Variants in RALGAPA2 observed in about 807,000 individuals in gnomAD.
RALGAPA2 encodes Ral GTPase activating protein catalytic subunit alpha 2, also known as ral GTPase-activating protein subunit alpha-2.
Under a neutral mutation model 230.4 loss-of-function variants are expected in RALGAPA2, and 139 were observed. The observed-to-expected ratio is 0.60, with a 90% CI of 0.53 to 0.69. The LOEUF (loss-of-function observed/expected upper bound fraction) is 0.69. RALGAPA2 is among the 30% of genes least tolerant of loss of function. The pLI is 0.00. For synonymous variants in RALGAPA2, 847 were observed against 837.8 expected (o/e 1.01, Z -0.19); for missense variants, 2,163 against 2,276.0 (o/e 0.95, Z 1.01).
At chr20:20,525,039 C>T in intron 28 of RALGAPA2, 141 bp from the exon 29 acceptor site, 1 of 673,392 alleles carries the variant, frequency 1.5e-6, no homozygotes, top group Admixed American at 3.2e-5. Context: ...AAGCAGAGGG[C>T]CAGCTGTGTG....
At chr20:20,665,643 A>G (rs1000326883) in intron 3 of RALGAPA2, among the ~76,000 whole-genome samples, 1 of 152,260 alleles carries the variant, frequency 6.6e-6, no homozygotes, top group African/African-American at 2.4e-5. Context: ...ACATTCTATA[A>G]TAGGATAATC....
intron 3 of RALGAPA2, among the ~76,000 whole-genome samples, chr20:20,672,146 C>T (rs2068157505): frequency 6.6e-6 from 1 of 152,138 alleles, no homozygotes; most frequent in South Asian, 2.1e-4. Flanking sequence ...AAACCAGAAC[C>T]CTCAAATGGA....
intron 38 of RALGAPA2, among the ~76,000 whole-genome samples, chr20:20,399,343 C>CA (rs11396922): frequency 0.46 from 53,727 of 115,874 alleles, 12,960 homozygotes; most frequent in East Asian, 0.64. Context: ...AACTCCGTCT[C>CA]AAAAAAAAAA....
At chr20:20,604,926 ACT>A (rs1321012990) in intron 15 of RALGAPA2, among the ~76,000 whole-genome samples, 1 of 152,242 alleles carries the variant, frequency 6.6e-6, no homozygotes, top group Non-Finnish European at 1.5e-5. Flanking sequence ...CATTATTATT[ACT>A]GTTAGTTATC....
chr20:20,576,468 T>C (rs2064822424), intron 20 of RALGAPA2, among the ~76,000 whole-genome samples: 1 of 152,164 alleles, frequency 6.6e-6, no homozygotes, highest in Admixed American at 6.6e-5. Context: ...CTATTGGATA[T>C]CTTTCTCATA....
At chr20:20,670,784 C>T (rs974655419) in intron 3 of RALGAPA2, among the ~76,000 whole-genome samples, 63 of 151,780 alleles carry the variant, frequency 4.2e-4, no homozygotes, top group African/African-American at 1.5e-3. Context: ...CCTGTCTCTA[C>T]TAAAAAATAT....
chr20:20,643,766 A>G (rs1368150408), intron 4 of RALGAPA2, among the ~76,000 whole-genome samples: 3 of 152,256 alleles, frequency 2.0e-5, no homozygotes, highest in Non-Finnish European at 2.9e-5. Context: ...AAAACAGTCA[A>G]AATGACTGAT....
At chr20:20,680,896 G>T (rs2068496167) in intron 1 of RALGAPA2, 95 bp from the exon 2 acceptor site, 1 of 1,484,674 alleles carries the variant, frequency 6.7e-7, no homozygotes, top group Non-Finnish European at 8.9e-7. Flanking sequence ...AGTACAACTA[G>T]TTTCATTCCC....
intron 36 of RALGAPA2, among the ~76,000 whole-genome samples, chr20:20,485,241 T>C (rs2061882136): frequency 1.3e-5 from 2 of 152,198 alleles, no homozygotes; most frequent in African/African-American, 4.8e-5. Flanking sequence ...ATGTCCCCTG[T>C]ACCCCTGATA....
intron 9 of RALGAPA2, 55 bp downstream of exon 9, chr20:20,635,363 C>T (rs2066822408): frequency 6.7e-7 from 1 of 1,493,556 alleles, no homozygotes. Flanking sequence ...TGGCTATGTT[C>T]CAGTGTATTT....
intron 9 of RALGAPA2, among the ~76,000 whole-genome samples, chr20:20,631,513 A>G (rs1245876526): frequency 6.6e-6 from 1 of 152,186 alleles, no homozygotes; most frequent in South Asian, 2.1e-4. Flanking sequence ...AGGCTAAGTG[A>G]TGATGGAAAC....
At chr20:20,582,319 T>C (rs553053041) in intron 20 of RALGAPA2, among the ~76,000 whole-genome samples, 10 of 152,162 alleles carry the variant, frequency 6.6e-5, no homozygotes, top group Admixed American at 3.9e-4. Context: ...TATCCCAAAT[T>C]TAAAGGCAAA....
At chr20:20,700,364 T>C (rs553154417) in intron 1 of RALGAPA2, among the ~76,000 whole-genome samples, 1 of 152,214 alleles carries the variant, frequency 6.6e-6, no homozygotes, top group South Asian at 2.1e-4. Context: ...ATGCTCACTA[T>C]GTGGATGACG....
chr20:20,539,023 G>A (rs544584623), intron 24 of RALGAPA2, among the ~76,000 whole-genome samples: 9 of 152,200 alleles, frequency 5.9e-5, no homozygotes, highest in African/African-American at 1.4e-4. Flanking sequence ...TTATGTAACC[G>A]ATCCTGTGTT....
chr20:20,477,009 C>T (rs920803537), intron 36 of RALGAPA2, among the ~76,000 whole-genome samples: 6 of 152,072 alleles, frequency 3.9e-5, no homozygotes, highest in African/African-American at 1.4e-4. Flanking sequence ...AAGTTCAAAA[C>T]CAAGTAAAAT....
At chr20:20,458,757 C>CCTATATATATATAGAT (rs1412039886) in intron 37 of RALGAPA2, among the ~76,000 whole-genome samples, 9 of 2,302 alleles carry the variant, frequency 3.9e-3, no homozygotes, top group African/African-American at 8.8e-3. Context: ...TACATACACA[C>CCTATATATATATAGAT]CTATATATAT....
chr20:20,472,614 GA>G, intron 37 of RALGAPA2: 1 of 377,548 alleles, frequency 2.6e-6, no homozygotes, highest in Non-Finnish European at 4.5e-6. Flanking sequence ...AGTAAATTAT[GA>G]AAGTAAACTC....
intron 9 of RALGAPA2, among the ~76,000 whole-genome samples, chr20:20,630,604 C>A (rs372819282): frequency 6.6e-6 from 1 of 152,126 alleles, no homozygotes; most frequent in Non-Finnish European, 1.5e-5. Context: ...ATTATTTTAT[C>A]TTTTTTACAG....
chr20:20,399,712 C>G (rs895889934), intron 38 of RALGAPA2, among the ~76,000 whole-genome samples: 1 of 152,214 alleles, frequency 6.6e-6, no homozygotes, highest in African/African-American at 2.4e-5. Context: ...TGTGCGGCTC[C>G]GCCTAGCAGA....
Sources: allele counts gnomAD v4.1 joint callset (sites outside exome capture counted in the v4.1 genomes callset), GRCh38; gene constraint gnomAD v4.1.1; transcripts MANE v1.5; gene names NCBI Gene and HGNC (gene_info 2026-07-23, HGNC 2026-07-21).